DBX2: variants seen among roughly 807,000 people sequenced by gnomAD.
The protein encoded by DBX2 is homeobox protein DBX2.
Under a neutral mutation model 17.7 loss-of-function variants are expected in DBX2, and 16 were observed. The observed-to-expected ratio is 0.90, with a 90% CI of 0.61 to 1.37. DBX2 has a LOEUF of 1.37. Ranked by LOEUF, DBX2 falls within the 40% of genes most tolerant of loss-of-function variation. DBX2 has a pLI of 0.00. For synonymous variants in DBX2, 255 were observed against 183.8 expected, an observed-to-expected ratio of 1.39 and a Z score of -3.13; for missense variants, 538 against 433.8, an observed-to-expected ratio of 1.24 and a Z score of -2.13.
At chr12:45,026,105 C>G (rs1277197584) in intron 2 of DBX2, among the ~76,000 whole-genome samples, 3 of 152,182 alleles carry the variant, frequency 2.0e-5, no homozygotes, top group Admixed American at 2.0e-4. Context: ...GTCCAGATTT[C>G]TGACACCTCT....
chr12:45,050,754 C>G lies in DBX2; in HGVS notation c.174G>C (p.Ala58=). ...CCAGGGCGGTCGCCGGGTCGTGGGG[C>G]GCGGGCGGCTGCAGCCTGGGCGTTG... ...GAPTPRLQPP[A]PHDPATALAT... is the part of the protein sequence containing the mutation. Residue 58 remains alanine (A), a synonymous_variant, in exon 1 of 4, where the codon GCG becomes GCC. Coordinates refer to ENST00000332700, the MANE Select transcript of DBX2 (RefSeq NM_001004329.3). The G allele has an allele frequency of 6.7e-7, 1 of 1,501,496 alleles. No individual in the cohort carries two copies. The highest frequency in any genetic ancestry group is 8.9e-7 in the Non-Finnish European group (1 of 1,126,282). 93.0% of individuals were successfully genotyped at this position (1,501,496 alleles called of 1,614,324 possible).
At chr12:45,046,698 G>C (rs909680955) in intron 1 of DBX2, among the ~76,000 whole-genome samples, 3 of 152,128 alleles carry the variant, frequency 2.0e-5, no homozygotes, top group Admixed American at 6.5e-5. Flanking sequence ...CCAGACATAA[G>C]TGTGAATAGT....
chr12:45,046,081 AAAG>A (rs752318555), intron 1 of DBX2, among the ~76,000 whole-genome samples: 1 of 152,150 alleles, frequency 6.6e-6, no homozygotes, highest in Non-Finnish European at 1.5e-5. Context: ...TTGTTAGAGC[AAAG>A]AAGAGAAGCA....
chr12:45,038,432 C>T (rs1472044401), intron 1 of DBX2, among the ~76,000 whole-genome samples: 7 of 151,150 alleles, frequency 4.6e-5, no homozygotes, highest in African/African-American at 1.7e-4. Context: ...TTGTTTTTTG[C>T]TTAATTAGGG....
intron 2 of DBX2, among the ~76,000 whole-genome samples, chr12:45,029,872 AAT>A (rs1375260374): frequency 1.5e-5 from 2 of 136,524 alleles, no homozygotes; most frequent in Non-Finnish European, 3.1e-5. Flanking sequence ...TTAAAAAAAA[AAT>A]AATAAAAATA....
intron 1 of DBX2, among the ~76,000 whole-genome samples, chr12:45,045,811 A>G (rs1345199819): frequency 1.3e-5 from 2 of 152,166 alleles, no homozygotes; most frequent in Non-Finnish European, 2.9e-5. Context: ...AAATTGCCCA[A>G]AACATACGGC....
Position 45,016,429 on chromosome 12 carries a change from C to G in DBX2, c.877G>C (p.Glu293Gln), listed in dbSNP as rs1200362635. 6.2e-7 allele frequency: 1 copy of G among 1,614,000 alleles called. No individual in the cohort carries two copies. Among genetic ancestry groups the G allele is most frequent in the South Asian group, 1.1e-5 (1 of 91,074 alleles). ...PQQHSSPRWRENSPEPSERLI... is the reference protein window; with the variant it reads ...PQQHSSPRWRQNSPEPSERLI... ...CTTTCTGAAGGTTCTGGAGAATTCT[C>G]CCTCCATCTTGGACTTGAGTGCTGT... Residue 293 changes from glutamate (E) to glutamine (Q), a missense_variant, in exon 4 of 4, where the codon GAG becomes CAG. Coordinates refer to ENST00000332700, the MANE Select transcript of DBX2 (RefSeq NM_001004329.3).
rs569162699 is a variant in DBX2, at chr12:45,037,716, T to C, written c.404-1602A>G. 3.3e-5 allele frequency among the ~76,000 whole-genome samples: 5 copies of C among 152,288 alleles called. No homozygotes were observed. The South Asian group carries it at 1.0e-3, about 32-fold the overall frequency. On this transcript the variant is annotated intron_variant, in intron 1 of 3. Coordinates refer to ENST00000332700, the MANE Select transcript of DBX2 (RefSeq NM_001004329.3). ...TTTATATTTATTTTCACAATTTCTT[T>C]GAAGGATGTATCAAAATAAGTATAG...
intron 3 of DBX2, among the ~76,000 whole-genome samples, chr12:45,020,690 T>TATACAC (rs766753844): frequency 1.3e-5 from 2 of 148,440 alleles, no homozygotes; most frequent in Admixed American, 6.8e-5. Context: ...TATATATATA[T>TATACAC]ACACACACAC....
At chr12:45,038,534 C>T (rs898508292) in intron 1 of DBX2, among the ~76,000 whole-genome samples, 4 of 150,940 alleles carry the variant, frequency 2.7e-5, no homozygotes, top group Admixed American at 6.6e-5. Context: ...ATACATATTG[C>T]ATCCTTATAT....
Position 45,016,181 on chromosome 12 carries a change from A to G in DBX2, c.*105T>C. On this transcript the variant is annotated 3_prime_UTR_variant, in exon 4 of 4. Transcript: ENST00000332700. ...AAGCATTAGTTCATACATCGCTCCAAAGTTGTTAGGCTCTAAGCACTGATG... is the reference window on the plus strand; with the variant it reads ...AAGCATTAGTTCATACATCGCTCCAGAGTTGTTAGGCTCTAAGCACTGATG... 1 of 1,259,178 alleles carries G rather than the reference A, an allele frequency of 7.9e-7. No homozygotes were observed. The highest frequency in any genetic ancestry group is 1.5e-5 in the African/African-American group (1 of 65,776). 78.0% of individuals were successfully genotyped at this position (1,259,178 alleles called of 1,614,324 possible).
chr12:45,039,880 G>GAA (rs544221366), intron 1 of DBX2, among the ~76,000 whole-genome samples: 5 of 147,490 alleles, frequency 3.4e-5, no homozygotes, highest in Admixed American at 2.0e-4. Flanking sequence ...CCATGAGAGA[G>GAA]AAAAAAAAAA....
chr12:45,018,027 C>CA (rs1317051006), intron 3 of DBX2, among the ~76,000 whole-genome samples: 1 of 151,826 alleles, frequency 6.6e-6, no homozygotes, highest in Non-Finnish European at 1.5e-5. Flanking sequence ...AAAATGGCAA[C>CA]AAAAAAAATC....
intron 1 of DBX2, among the ~76,000 whole-genome samples, chr12:45,039,142 TTCCAATTAAG>T (rs1299042783): frequency 7.1e-6 from 1 of 141,768 alleles, no homozygotes; most frequent in African/African-American, 2.5e-5. Context: ...CACTGTAAAA[TTCCAATTAAG>T]TGCTTTTTTT....
chr12:45,044,960 A>C (rs1202901929), intron 1 of DBX2, among the ~76,000 whole-genome samples: 1 of 152,198 alleles, frequency 6.6e-6, no homozygotes, highest in Non-Finnish European at 1.5e-5. Flanking sequence ...TACTGAAAGT[A>C]AAATAAAACA....
intron 2 of DBX2, among the ~76,000 whole-genome samples, chr12:45,027,484 G>GA (rs1249463209): frequency 1.3e-5 from 2 of 152,000 alleles, no homozygotes; most frequent in African/African-American, 4.8e-5. Flanking sequence ...AAAATTAGGA[G>GA]AAAAAATAAA....
chr12:45,033,639 T>A (rs12304054), intron 2 of DBX2, among the ~76,000 whole-genome samples: 18,703 of 152,128 alleles, frequency 0.12, 2,309 homozygotes, highest in East Asian at 0.36. Context: ...TAAATAAGAA[T>A]ATATGAAATT....
At chr12:45,038,214 A>G (rs1349775993) in intron 1 of DBX2, among the ~76,000 whole-genome samples, 1 of 151,932 alleles carries the variant, frequency 6.6e-6, no homozygotes, top group Non-Finnish European at 1.5e-5. Context: ...CATTTCTGTT[A>G]GCTAACTTAT....
At position 45,016,167 on chromosome 12, in the gene DBX2, C is replaced by T; in HGVS notation, c.*119G>A. On this transcript the variant is annotated 3_prime_UTR_variant, in exon 4 of 4. Coordinates refer to ENST00000332700, the MANE Select transcript of DBX2 (RefSeq NM_001004329.3). ...GAGTGGGTTTCCTAAAGCATTAGTTCATACATCGCTCCAAAGTTGTTAGGC... is the reference window on the plus strand; with the variant it reads ...GAGTGGGTTTCCTAAAGCATTAGTTTATACATCGCTCCAAAGTTGTTAGGC... The T allele has an allele frequency of 1.8e-5, 20 of 1,102,548 alleles. No individual in the cohort carries two copies. The highest frequency in any genetic ancestry group is 2.3e-5 in the Non-Finnish European group (18 of 798,806). The allele number at this position is 1,102,548 out of a possible 1,614,324, so 68.3% of individuals were successfully genotyped here.
Sources: allele counts gnomAD v4.1 joint callset (sites outside exome capture counted in the v4.1 genomes callset), GRCh38; gene constraint gnomAD v4.1.1; transcripts MANE v1.5; gene names NCBI Gene and HGNC (gene_info 2026-07-23, HGNC 2026-07-21).